The following DENND4A variants were observed in gnomAD, a reference collection of about 807,000 sequenced individuals.
The protein encoded by DENND4A is DENN domain containing 4A.
Under a neutral mutation model 199.3 loss-of-function variants are expected in DENND4A, and 70 were observed. The ratio of observed to expected loss-of-function variants is 0.35; its 90% CI spans 0.29 to 0.43. The LOEUF (loss-of-function observed/expected upper bound fraction) is 0.43. Among genes scored for constraint, DENND4A ranks in the 20% least tolerant of loss-of-function variants. DENND4A has a pLI of 1.00. For synonymous variants in DENND4A, 686 were observed against 766.9 expected, an observed-to-expected ratio of 0.89 and a Z score of 1.74; for missense variants, 1,723 against 2,255.8, an observed-to-expected ratio of 0.76 and a Z score of 4.78.
Position 65,729,523 on chromosome 15 carries a change from G to C in DENND4A, c.1311+11C>G. 2 of 1,601,378 alleles carry C rather than the reference G, an allele frequency of 1.2e-6. No individual in the cohort carries two copies. The highest frequency in any genetic ancestry group is 1.7e-6 in the Non-Finnish European group (2 of 1,175,030). On this transcript the variant is annotated intron_variant, in intron 10 of 32. Coordinates refer to ENST00000443035, the MANE Select transcript of DENND4A (RefSeq NM_001320835.1). ...CTAAATTGACTGCCAATAAGAAACT[G>C]TGATACTCACAGACACTAATGCTTC...
At chr15:65,758,558 C>T (rs376960434) in intron 2 of DENND4A, among the ~76,000 whole-genome samples, 2 of 152,010 alleles carry the variant, frequency 1.3e-5, no homozygotes, top group African/African-American at 2.4e-5. Context: ...GAGATTCTCC[C>T]GCCTCAGCCT....
At chr15:65,731,001 C>T (rs2075940629) in intron 9 of DENND4A, among the ~76,000 whole-genome samples, 3 of 152,014 alleles carry the variant, frequency 2.0e-5, no homozygotes, top group Admixed American at 2.0e-4. Flanking sequence ...GTTAAGAAAA[C>T]ATTTGTCACT....
At chr15:65,682,466 A>T (rs1382023328) in intron 23 of DENND4A, among the ~76,000 whole-genome samples, 1 of 152,182 alleles carries the variant, frequency 6.6e-6, no homozygotes, top group Non-Finnish European at 1.5e-5. Context: ...CATAAAACTG[A>T]AGAGAGTTAG....
intron 23 of DENND4A, among the ~76,000 whole-genome samples, chr15:65,686,953 T>C (rs896698414): frequency 2.0e-5 from 3 of 152,176 alleles, no homozygotes; most frequent in Non-Finnish European, 4.4e-5. Flanking sequence ...TCCTCCTGGC[T>C]TGGCCTTCCA....
chr15:65,780,877 A>G (rs931933541), intron 1 of DENND4A, among the ~76,000 whole-genome samples: 1 of 152,208 alleles, frequency 6.6e-6, no homozygotes, highest in Non-Finnish European at 1.5e-5. Context: ...GGAACCAACT[A>G]CTTTATCCTG....
chr15:65,716,808 G>C (rs1001939996), intron 13 of DENND4A, among the ~76,000 whole-genome samples: 2 of 151,742 alleles, frequency 1.3e-5, no homozygotes, highest in African/African-American at 4.8e-5. Context: ...CTAGATCCCT[G>C]AGGAATCGCC....
intron 24 of DENND4A, among the ~76,000 whole-genome samples, chr15:65,673,509 T>G (rs1034535738): frequency 2.0e-5 from 3 of 147,284 alleles, no homozygotes; most frequent in African/African-American, 5.0e-5. Flanking sequence ...AAAAATGGTG[T>G]AAACTACCAG....
At chr15:65,716,640 T>C (rs1596507927) in intron 13 of DENND4A, among the ~76,000 whole-genome samples, 1 of 152,056 alleles carries the variant, frequency 6.6e-6, no homozygotes, top group African/African-American at 2.4e-5. Flanking sequence ...TAATCCAGTC[T>C]ATCATTGTTG....
chr15:65,741,913 T>C (rs185378377), intron 4 of DENND4A, 129 bp from the exon 5 acceptor site: 5 of 573,148 alleles, frequency 8.7e-6, no homozygotes, highest in Admixed American at 7.1e-5. Flanking sequence ...GCTAGCTATT[T>C]TCAGTTGGCT....
chr15:65,782,762 C>A (rs978962803), intron 1 of DENND4A, among the ~76,000 whole-genome samples: 10 of 152,106 alleles, frequency 6.6e-5, no homozygotes, highest in Non-Finnish European at 4.4e-5. Context: ...AATACAGGTA[C>A]ATTTTAAGCT....
chr15:65,758,070 CACAG>C (rs2076757462), intron 2 of DENND4A, among the ~76,000 whole-genome samples: 3 of 152,066 alleles, frequency 2.0e-5, no homozygotes, highest in South Asian at 2.1e-4. Context: ...CCAGGTTTTC[CACAG>C]ACAAAGCCCA....
intron 7 of DENND4A, among the ~76,000 whole-genome samples, chr15:65,735,104 G>A (rs1004056189): frequency 1.7e-4 from 25 of 151,162 alleles, no homozygotes; most frequent in Non-Finnish European, 3.1e-4. Flanking sequence ...CAGGCAAGGC[G>A]CGGCGGCTCA....
At chr15:65,754,953 C>T (rs1301456714) in intron 3 of DENND4A, among the ~76,000 whole-genome samples, 1 of 152,162 alleles carries the variant, frequency 6.6e-6, no homozygotes. Flanking sequence ...AAAACTTGCA[C>T]ATGAATATTC....
chr15:65,668,484 C>A (rs960926608), intron 27 of DENND4A, among the ~76,000 whole-genome samples: 4 of 151,498 alleles, frequency 2.6e-5, no homozygotes, highest in Admixed American at 2.6e-4. Context: ...GCTGGGATTA[C>A]AAGTGTGGGC....
At chr15:65,688,595 T>G (rs768718111) in intron 23 of DENND4A, among the ~76,000 whole-genome samples, 1 of 152,212 alleles carries the variant, frequency 6.6e-6, no homozygotes, top group African/African-American at 2.4e-5. Context: ...CTATTCCAGT[T>G]TGCATCTGTC....
At position 65,752,281 on chromosome 15, in the gene DENND4A, C is replaced by CAAA. The variant is rs61418354; in HGVS notation, c.561+95_561+97dup. On this transcript the variant is annotated intron_variant, in intron 4 of 32. Coordinates refer to ENST00000443035, the MANE Select transcript of DENND4A (RefSeq NM_001320835.1). ...TCTGTAATTAAACTATGCTGTTTTC[C>CAAA]AAAAAAAAAAAAAAAAAAAAAAAAA... The CAAA allele has an allele frequency of 2.4e-3, 643 of 272,410 alleles. 12 individuals carry two copies. Among genetic ancestry groups the CAAA allele is most frequent in the African/African-American group, 0.011 (182 of 16,790 alleles). The allele number at this position is 272,410 out of a possible 1,614,324, so 16.9% of individuals were successfully genotyped here.
chr15:65,785,027 T>C (rs746548683), intron 1 of DENND4A, among the ~76,000 whole-genome samples: 4 of 151,842 alleles, frequency 2.6e-5, no homozygotes, highest in Non-Finnish European at 4.4e-5. Flanking sequence ...TGTATGCCTG[T>C]AGTCCCAGCT....
intron 1 of DENND4A, among the ~76,000 whole-genome samples, chr15:65,769,487 T>A (rs901962129): frequency 1.3e-4 from 20 of 152,162 alleles, no homozygotes; most frequent in Non-Finnish European, 4.4e-5. Context: ...CAAATTAAAA[T>A]CCTGGTTCTA....
Position 65,659,147 on chromosome 15 carries a change from T to C in DENND4A, c.*2704A>G, listed in dbSNP as rs1012927844. The C allele has an allele frequency of 6.6e-5, 10 of 152,086 alleles. No homozygotes were observed. The highest frequency in any genetic ancestry group is 2.4e-4 in the African/African-American group (10 of 41,398). The allele number at this position is 152,086 out of a possible 1,614,324, so 9.4% of individuals were successfully genotyped here. The stretch of plus-strand genomic sequence containing the variant: ...CTACATCAGCACAGGACATGGTTTA[T>C]TGTCAACCATTTAAACATATAAACA... On this transcript the variant is annotated 3_prime_UTR_variant, in exon 33 of 33. Transcript: ENST00000443035.
Sources: gnomAD v4.1 joint callset for allele counts (sites outside exome capture counted in the v4.1 genomes callset) on GRCh38, gnomAD v4.1.1 for gene constraint, MANE v1.5 for transcripts, NCBI Gene and HGNC (gene_info 2026-07-23, HGNC 2026-07-21) for gene names.